The following SLCO4A1 variants were observed in gnomAD, a reference collection of about 807,000 sequenced individuals.
SLCO4A1 encodes the protein solute carrier organic anion transporter family member 4A1.
Under a neutral mutation model 64.6 loss-of-function variants are expected in SLCO4A1, and 51 were observed. The observed-to-expected ratio is 0.79, with a 90% CI of 0.63 to 1.00. The LOEUF (loss-of-function observed/expected upper bound fraction) is 1.00, where lower values mean the gene tolerates loss of function less well. SLCO4A1 is among the 50% of genes least tolerant of loss of function. The probability of loss-of-function intolerance (pLI) is 0.00; values close to 1 mark genes in which losing one functional copy is unlikely to be tolerated. For missense variants in SLCO4A1, 919 were observed against 980.5 expected (o/e 0.94, Z 0.84); for synonymous variants, 471 against 444.9 (o/e 1.06, Z -0.74).
At chr20:62,654,362 G>A (rs1037279990) in intron 1 of SLCO4A1, among the ~76,000 whole-genome samples, 4 of 152,238 alleles carry the variant, frequency 2.6e-5, no homozygotes, top group East Asian at 3.8e-4. Context: ...CCAGGTGAAC[G>A]TGACTGCCCG....
chr20:62,649,852 C>G (rs1197730737), intron 1 of SLCO4A1: 2 of 152,324 alleles, frequency 1.3e-5, no homozygotes, highest in African/African-American at 4.8e-5. Context: ...GCAGTCTTAT[C>G]TGCGTATAAA....
downstream of SLCO4A1, among the ~76,000 whole-genome samples, chr20:62,688,606 G>A (rs1336968065): frequency 2.0e-5 from 3 of 152,248 alleles, no homozygotes; most frequent in Non-Finnish European, 2.9e-5. Context: ...AATGGACGCA[G>A]GGCCCAGGAG....
chr20:62,648,217 G>T (rs1223659714), intron 1 of SLCO4A1, among the ~76,000 whole-genome samples: 1 of 152,266 alleles, frequency 6.6e-6, no homozygotes, highest in Non-Finnish European at 1.5e-5. Flanking sequence ...GCCTGAGGGG[G>T]CTAAGCTCCC....
intron 11 of SLCO4A1, among the ~76,000 whole-genome samples, chr20:62,669,706 A>G (rs1210336115): frequency 6.6e-6 from 1 of 151,982 alleles, no homozygotes; most frequent in African/African-American, 2.4e-5. Context: ...CCAGCTGTTC[A>G]GAGGATCTTG....
At chr20:62,652,588 G>A (rs1018629895) in intron 1 of SLCO4A1, among the ~76,000 whole-genome samples, 5 of 152,232 alleles carry the variant, frequency 3.3e-5, no homozygotes, top group African/African-American at 9.6e-5. Flanking sequence ...GTGGGTGGCC[G>A]TGGGTGGCTC....
At chr20:62,673,691 C>T (rs567901076), downstream of SLCO4A1, among the ~76,000 whole-genome samples, 5 of 119,810 alleles carry the variant, frequency 4.2e-5, 2 homozygotes, top group Non-Finnish European at 6.0e-5. Flanking sequence ...TGCCTACGGT[C>T]GGCAAGAAAC....
chr20:62,662,678 C>T (rs947963245), intron 5 of SLCO4A1, among the ~76,000 whole-genome samples: 1 of 152,190 alleles, frequency 6.6e-6, no homozygotes, highest in Non-Finnish European at 1.5e-5. Context: ...CCACACACCC[C>T]GGAGCCTGGG....
chr20:62,679,240 T>G (rs1053027781), intron 2 of SLCO4A1, among the ~76,000 whole-genome samples: 3 of 152,202 alleles, frequency 2.0e-5, no homozygotes, highest in Non-Finnish European at 4.4e-5. Context: ...ATGGCAGAGC[T>G]GCTCTGGGTC....
At position 62,660,451 on chromosome 20, in the gene SLCO4A1, C is replaced by G; in HGVS notation, c.927C>G (p.Ala309=). ...CCGAGAGCCCACTGTGGGTCGGCGC[C>G]TGGTGGGTCGGCTTCCTGGGCTCTG... ...LTTESPLWVG[A]WWVGFLGSGA... The change falls in exon 4 of 12, where the codon GCC becomes GCG. Residue 309 remains alanine (A), a synonymous_variant. Coordinates refer to ENST00000217159, the MANE Select transcript of SLCO4A1 (RefSeq NM_016354.4). The G allele has an allele frequency of 6.2e-7, 1 of 1,601,542 alleles. No homozygotes were observed. The highest frequency in any genetic ancestry group is 8.5e-7 in the Non-Finnish European group (1 of 1,179,888).
At position 62,657,017 on chromosome 20, in the gene SLCO4A1, C is replaced by T. The variant is rs1447598529; in HGVS notation, c.563C>T (p.Ala188Val). 7 of 1,583,016 alleles carry T rather than the reference C, an allele frequency of 4.4e-6. No individual in the cohort carries two copies. Among genetic ancestry groups the T allele is most frequent in the Non-Finnish European group, 5.2e-6 (6 of 1,160,726 alleles). The change falls in exon 2 of 12, where the codon GCG becomes GTG. Residue 188 changes from alanine to valine, a missense_variant. By Grantham distance (64) the Ala-to-Val change is moderately conservative. Transcript: ENST00000217159. ...LLMGTGSLVF[A>V]LPHFTAGRYE... ...ATGGGCACGGGGTCGCTGGTGTTCGCGCTGCCCCACTTCACGGCTGGCCGC... is the reference window on the plus strand; with the variant it reads ...ATGGGCACGGGGTCGCTGGTGTTCGTGCTGCCCCACTTCACGGCTGGCCGC...
rs1269441539 is a variant in SLCO4A1 at position 62,656,638 on chromosome 20, C to T, written c.184C>T (p.Leu62Phe). ...LDTSKQPLCQ[L>F]WAEKHGARGT... is the part of the protein sequence containing the mutation. ...CACCAGCAAGCAGCCCCTCTGCCAG[C>T]TCTGGGCCGAGAAGCATGGCGCCCG... Residue 62 changes from leucine to phenylalanine, a missense_variant, in exon 2 of 12, where the codon CTC (leucine) becomes TTC (phenylalanine). Leu to Phe is a conservative substitution (Grantham distance 22). Transcript: ENST00000217159. 1 of 1,602,174 alleles carries T rather than the reference C, an allele frequency of 6.2e-7. No individual in the cohort carries two copies. The highest frequency in any genetic ancestry group is 1.3e-5 in the African/African-American group (1 of 74,784).
intron 2 of SLCO4A1, among the ~76,000 whole-genome samples, chr20:62,678,893 G>A (rs550832087): frequency 5.3e-5 from 8 of 152,266 alleles, no homozygotes; most frequent in African/African-American, 1.9e-4. Flanking sequence ...CCGTTGCCAG[G>A]GGCTGGGGTG....
intron 5 of SLCO4A1, among the ~76,000 whole-genome samples, chr20:62,662,300 C>T (rs995431790): frequency 5.9e-5 from 9 of 152,264 alleles, no homozygotes; most frequent in South Asian, 2.1e-4. Context: ...GCCAAGCTGA[C>T]CCGGGGCCAC....
chr20:62,655,604 G>A (rs986209162), intron 1 of SLCO4A1, among the ~76,000 whole-genome samples: 3 of 152,160 alleles, frequency 2.0e-5, no homozygotes, highest in Non-Finnish European at 4.4e-5. Flanking sequence ...GGCAGCGCAG[G>A]GTTCAGAAGG....
chr20:62,687,664 C>G (rs1250020625), downstream of SLCO4A1, among the ~76,000 whole-genome samples: 5 of 152,336 alleles, frequency 3.3e-5, no homozygotes, highest in African/African-American at 1.2e-4. Flanking sequence ...GCCCCAAGGG[C>G]AGGGCTGGGC....
chr20:62,675,360 C>T (rs1391500478), downstream of SLCO4A1, among the ~76,000 whole-genome samples: 3 of 152,134 alleles, frequency 2.0e-5, no homozygotes, highest in Admixed American at 6.5e-5. Flanking sequence ...CCCGGGCTGC[C>T]GGCCACCCAC....
In SLCO4A1 at chr20:62,678,613, C is replaced by T. The variant is rs188125480; in HGVS notation, n.212-6828C>T. 2.0e-3 allele frequency among the ~76,000 whole-genome samples: 301 copies of T among 151,104 alleles called. 1 individual carries two copies. The highest frequency in any genetic ancestry group is 3.9e-3 in the Non-Finnish European group (262 of 67,862). On this transcript the variant is annotated intron_variant and non_coding_transcript_variant, in intron 2 of 2. Coordinates refer to the SLCO4A1 transcript ENST00000466818. The stretch of plus-strand genomic sequence containing the variant: ...GTGGTGCAATCTCAGCTCACTGCAG[C>T]CTCTTACTCCCGGGTTCAAGCGAAT...
intron 1 of SLCO4A1, among the ~76,000 whole-genome samples, chr20:62,655,099 C>G (rs1222583271): frequency 6.6e-6 from 1 of 152,238 alleles, no homozygotes; most frequent in Non-Finnish European, 1.5e-5. Context: ...GGGGTCAAGG[C>G]TCCAAGACAG....
chr20:62,656,735 C>T lies in SLCO4A1; in HGVS notation c.281C>T (p.Pro94Leu), dbSNP rs768735049. 4.3e-6 allele frequency: 7 copies of T among 1,611,726 alleles called. No homozygotes were observed. The highest frequency in any genetic ancestry group is 3.3e-5 in the South Asian group (3 of 90,952). The change falls in exon 2 of 12, where the codon CCG becomes CTG. Residue 94 changes from proline (P) to leucine (L), a missense_variant. Coordinates refer to ENST00000217159, the MANE Select transcript of SLCO4A1 (RefSeq NM_016354.4). ...TGCGGCTGGTGGGCCTTCGCACCGC[C>T]GTGCCTGCAGGTCCTCAACACGCCC... is the stretch of plus-strand genomic sequence containing the variant. ...VACGWWAFAP[P>L]CLQVLNTPKG...
Sources: gnomAD v4.1 joint callset for allele counts (sites outside exome capture counted in the v4.1 genomes callset) on GRCh38, gnomAD v4.1.1 for gene constraint, MANE v1.5 for transcripts, NCBI Gene and HGNC (gene_info 2026-07-23, HGNC 2026-07-21) for gene names.